PTPN3: variants seen among roughly 807,000 people sequenced by gnomAD.
PTPN3 encodes tyrosine-protein phosphatase non-receptor type 3.
Under a neutral mutation model 132.7 loss-of-function variants are expected in PTPN3, and 96 were observed. The ratio of observed to expected loss-of-function variants is 0.72; its 90% CI spans 0.61 to 0.86. PTPN3 has a LOEUF of 0.86. PTPN3 is among the 40% of genes least tolerant of loss of function. The pLI, the probability that PTPN3 is intolerant of heterozygous loss-of-function variation, is 0.00. For missense variants in PTPN3, 1,125 were observed against 1,159.6 expected, an observed-to-expected ratio of 0.97 and a Z score of 0.43; for synonymous variants, 398 against 429.0, an observed-to-expected ratio of 0.93 and a Z score of 0.89.
At chr9:109,483,643 A>G (rs903670900) in intron 1 of PTPN3, among the ~76,000 whole-genome samples, 1 of 152,150 alleles carries the variant, frequency 6.6e-6, no homozygotes, top group East Asian at 1.9e-4. Context: ...ATCAAGCAAC[A>G]AAATCAAATC....
At chr9:109,490,160 G>GT (rs1847392792) in intron 1 of PTPN3, among the ~76,000 whole-genome samples, 1 of 152,074 alleles carries the variant, frequency 6.6e-6, no homozygotes, top group South Asian at 2.1e-4. Context: ...TCTAGCCTGG[G>GT]TGACAGAGCA....
chr9:109,516,514 G>A, the PTPN3 span, among the ~76,000 whole-genome samples: 1 of 152,168 alleles, frequency 6.6e-6, no homozygotes, highest in African/African-American at 2.4e-5. Context: ...GATCCATGGT[G>A]AGGGTGTAAG....
intron 1 of PTPN3, among the ~76,000 whole-genome samples, chr9:109,490,453 T>C (rs1370810622): frequency 6.6e-6 from 1 of 151,966 alleles, no homozygotes; most frequent in Non-Finnish European, 1.5e-5. Flanking sequence ...AACGTCAAGG[T>C]CTGGCTGGGC....
Position 109,427,121 on chromosome 9 carries a change from G to T in PTPN3, c.830C>A (p.Ala277Asp). 6.2e-7 allele frequency: 1 copy of T among 1,613,752 alleles called. No individual in the cohort carries two copies. Among genetic ancestry groups the T allele is most frequent in the Non-Finnish European group, 8.5e-7 (1 of 1,179,808 alleles). Residue 277 changes from alanine (A) to aspartate (D), a missense_variant and splice_region_variant, in exon 12 of 26, where the codon GCT (alanine) becomes GAT (aspartate). Ala to Asp is a moderately radical substitution (Grantham distance 126). Transcript: ENST00000374541. ...KFFIHQRQKQ[A>D]ESREHIVAFN... is the part of the protein sequence containing the mutation. ...GGCCACAATATGTTCCCTGGATTCA[G>T]CCTGGGAGGAAAAACAGTCAAGATT...
chr9:109,518,326 C>T, the PTPN3 span, among the ~76,000 whole-genome samples: 1 of 152,208 alleles, frequency 6.6e-6, no homozygotes, highest in Non-Finnish European at 1.5e-5. Flanking sequence ...GACATGGCAC[C>T]CACCTCCTGC....
the PTPN3 span, among the ~76,000 whole-genome samples, chr9:109,503,958 G>C: frequency 1.3e-5 from 2 of 152,184 alleles, no homozygotes; most frequent in African/African-American, 4.8e-5. Flanking sequence ...CGGTCTAATA[G>C]AGCAAGGTAC....
chr9:109,382,564 C>A, intron 23 of PTPN3, 117 bp from the exon 24 acceptor site: 3 of 1,138,482 alleles, frequency 2.6e-6, no homozygotes, highest in Non-Finnish European at 3.8e-6. Flanking sequence ...TGCGCACAGC[C>A]CTGCTGTGGC....
rs761723063 is a variant in PTPN3 at position 109,420,551 on chromosome 9, C to G, written c.1186G>C (p.Ala396Pro). ...GTCATTTCATTTGCAAGGTTATCTGCAGAAGAGTGGCGTGGCTTTCGGATT... is the reference window on the plus strand; with the variant it reads ...GTCATTTCATTTGCAAGGTTATCTGGAGAAGAGTGGCGTGGCTTTCGGATT... The part of the protein sequence containing the change: ...HEIRKPRHSS[A>P]DNLANEMTYI... The change falls in exon 14 of 26, where the codon GCA becomes CCA. Residue 396 changes from alanine to proline, a missense_variant. Ala to Pro is a conservative substitution (Grantham distance 27). Coordinates refer to ENST00000374541, the MANE Select transcript of PTPN3 (RefSeq NM_002829.4). The G allele has an allele frequency of 6.2e-7, 1 of 1,612,942 alleles. No individual in the cohort carries two copies. The highest frequency in any genetic ancestry group is 8.5e-7 in the Non-Finnish European group (1 of 1,179,828).
At chr9:109,534,232 C>T in the PTPN3 span, 5 of 1,443,746 alleles carry the variant, frequency 3.5e-6, no homozygotes, top group Admixed American at 1.7e-5. Context: ...GTTTCCTGTG[C>T]CGCTGCCCGT....
At chr9:109,486,223 T>C (rs1564484127) in intron 1 of PTPN3, among the ~76,000 whole-genome samples, 1 of 152,114 alleles carries the variant, frequency 6.6e-6, no homozygotes, top group Non-Finnish European at 1.5e-5. Flanking sequence ...ACATGAAAAC[T>C]TGGGAAGCCC....
intron 19 of PTPN3, among the ~76,000 whole-genome samples, chr9:109,402,286 C>T (rs529621700): frequency 7.9e-6 from 1 of 126,750 alleles, no homozygotes. Flanking sequence ...TCTACATTTC[C>T]TTTTTTTTTT....
chr9:109,381,292 C>T (rs544950255), intron 25 of PTPN3, among the ~76,000 whole-genome samples: 6 of 152,234 alleles, frequency 3.9e-5, no homozygotes, highest in African/African-American at 1.4e-4. Flanking sequence ...TCAGGCACCA[C>T]ACGGGTGGAA....
chr9:109,408,796 A>AAATATATATATATATATAT (rs1377996219), intron 16 of PTPN3, among the ~76,000 whole-genome samples: 4 of 108,372 alleles, frequency 3.7e-5, no homozygotes, highest in African/African-American at 1.5e-4. Flanking sequence ...AAAAAAAAAA[A>AAATATATATATATATATAT]ATATATATAT....
intron 5 of PTPN3, chr9:109,450,077 A>G: frequency 1.0e-6 from 1 of 984,760 alleles, no homozygotes; most frequent in Non-Finnish European, 1.2e-6. Context: ...TGATCATGTT[A>G]TAAAAAAACT....
Position 109,457,295 on chromosome 9 carries a change from A to G in PTPN3, c.243T>C (p.Ser81=), listed in dbSNP as rs766437280. 1.2e-6 allele frequency: 2 copies of G among 1,613,720 alleles called. No homozygotes were observed. The highest frequency in any genetic ancestry group is 2.2e-5 in the East Asian group (1 of 44,908). Residue 81 remains serine, a synonymous_variant, in exon 3 of 26, where the codon TCT becomes TCC. Coordinates refer to ENST00000374541, the MANE Select transcript of PTPN3 (RefSeq NM_002829.4). ...ATTTTTTAAAAATGGCACTTACAGG[A>G]GAGTCCACGGAGTCGTCATCATGCT... The part of the protein sequence containing the change: ...GLQHDDDSVD[S]PRWLEASKAI...
At chr9:109,527,113 AC>A in the PTPN3 span, among the ~76,000 whole-genome samples, 3 of 152,386 alleles carry the variant, frequency 2.0e-5, no homozygotes, top group Admixed American at 2.0e-4. Context: ...AAAATAGGAT[AC>A]AAAAAAGTAT....
At chr9:109,414,920 C>T (rs1014180532) in intron 14 of PTPN3, among the ~76,000 whole-genome samples, 1 of 151,902 alleles carries the variant, frequency 6.6e-6, no homozygotes, top group African/African-American at 2.4e-5. Flanking sequence ...TGATGTTGCT[C>T]ATGTGATATG....
At chr9:109,495,807 C>CAGAG (rs1160098509) in intron 1 of PTPN3, among the ~76,000 whole-genome samples, 1 of 152,176 alleles carries the variant, frequency 6.6e-6, no homozygotes, top group Non-Finnish European at 1.5e-5. Context: ...ATCGAGGGGT[C>CAGAG]AGAGACATGA....
chr9:109,531,543 A>G, the PTPN3 span, among the ~76,000 whole-genome samples: 1 of 152,196 alleles, frequency 6.6e-6, no homozygotes, highest in Non-Finnish European at 1.5e-5. Context: ...CAAGTTCTGT[A>G]ACCTCTTTGG....
Sources: allele counts gnomAD v4.1 joint callset (sites outside exome capture counted in the v4.1 genomes callset), GRCh38; gene constraint gnomAD v4.1.1; transcripts MANE v1.5; gene names NCBI Gene and HGNC (gene_info 2026-07-23, HGNC 2026-07-21).